Variants in ACTN4 observed in about 807,000 individuals in gnomAD.
The protein encoded by ACTN4 is alpha-actinin-4.
Under a neutral mutation model 114.2 loss-of-function variants are expected in ACTN4, and 18 were observed. The observed-to-expected ratio is 0.16, with a 90% confidence interval of 0.11 to 0.23. The LOEUF (loss-of-function observed/expected upper bound fraction) is 0.23, where lower values mean the gene tolerates loss of function less well. Among genes scored for constraint, ACTN4 ranks in the 10% least tolerant of loss-of-function variants. ACTN4 has a pLI of 1.00. For missense variants in ACTN4, 722 were observed against 1,262.9 expected (o/e 0.57, Z 6.49); for synonymous variants, 515 against 506.3 (o/e 1.02, Z -0.23).
chr19:38,712,568 C>T (rs1968692462), intron 8 of ACTN4, among the ~76,000 whole-genome samples: 1 of 152,074 alleles, frequency 6.6e-6, no homozygotes, highest in Non-Finnish European at 1.5e-5. Context: ...AGAAAGGCCT[C>T]TTCACCTCCT....
At position 38,730,430 on chromosome 19, in the gene ACTN4, CTTTTTTTTTTGAGTTTATTCTGATTG is replaced by C. The variant is rs1969492159; in HGVS notation, c.*999_*1024del. 1.1e-5 allele frequency: 2 copies of C among 175,320 alleles called. No homozygotes were observed. 10.9% of individuals were successfully genotyped at this position (175,320 alleles called of 1,614,324 possible). On this transcript the variant is annotated 3_prime_UTR_variant, in exon 21 of 21. Coordinates refer to ENST00000252699, the MANE Select transcript of ACTN4 (RefSeq NM_004924.6). ...TGGTTGATGGTTTTGCTCCCCCTAC[CTTTTTTTTTTGAGTTTATTCTGATTG>C]ATTTTTTTTCTTGGTTTCTGGATAA...
Position 38,701,807 on chromosome 19 carries a change from C to T in ACTN4, c.397+686C>T, listed in dbSNP as rs189955530. ...ATGGAGCCCCAGCAGCATGAGCTCGCAGTCCACTCATTAGTCAGAGTAAGA... is the reference window on the plus strand; with the variant it reads ...ATGGAGCCCCAGCAGCATGAGCTCGTAGTCCACTCATTAGTCAGAGTAAGA... On this transcript the variant is annotated intron_variant, in intron 3 of 20. Transcript: ENST00000252699. 1.3e-3 allele frequency among the ~76,000 whole-genome samples: 198 copies of T among 152,382 alleles called. 4 individuals carry two copies. In the South Asian group the frequency reaches 0.026, roughly 20 times the overall value.
chr19:38,653,417 A>C (rs1976626149), intron 1 of ACTN4, among the ~76,000 whole-genome samples: 1 of 152,082 alleles, frequency 6.6e-6, no homozygotes, highest in Non-Finnish European at 1.5e-5. Context: ...GTTCTTTAAA[A>C]AAAAAAAAAA....
chr19:38,655,096 A>G (rs1332594693), intron 1 of ACTN4, among the ~76,000 whole-genome samples: 4 of 152,114 alleles, frequency 2.6e-5, no homozygotes, highest in Non-Finnish European at 4.4e-5. Context: ...GTGATTTTCC[A>G]TAACCACTTT....
At chr19:38,698,686 G>A (rs1038842360) in intron 1 of ACTN4, among the ~76,000 whole-genome samples, 6 of 152,180 alleles carry the variant, frequency 3.9e-5, no homozygotes, top group African/African-American at 7.2e-5. Context: ...GGGGAACAGC[G>A]TTGTGCCACC....
In ACTN4 at chr19:38,728,993, C is replaced by T; in HGVS notation, c.2419-3C>T. On this transcript the variant is annotated splice_polypyrimidine_tract_variant and splice_region_variant and intron_variant, in intron 19 of 20. Coordinates refer to ENST00000252699, the MANE Select transcript of ACTN4 (RefSeq NM_004924.6). ...TGTCCCCCACCCCACCCTCTCCTTG[C>T]AGGGTGAGGCCGAGTTCAACCGCAT... 6.2e-7 allele frequency: 1 copy of T among 1,612,898 alleles called. No individual in the cohort carries two copies. The highest frequency in any genetic ancestry group is 1.1e-5 in the South Asian group (1 of 91,042).
intron 1 of ACTN4, among the ~76,000 whole-genome samples, chr19:38,657,146 AT>A (rs60937573): frequency 0.064 from 8,607 of 133,640 alleles, 246 homozygotes; most frequent in South Asian, 0.12. Context: ...GCTAATTTTA[AT>A]TTTTTTTTTT....
intron 4 of ACTN4, among the ~76,000 whole-genome samples, chr19:38,705,526 C>T (rs1357393614): frequency 6.6e-6 from 1 of 152,246 alleles, no homozygotes; most frequent in African/African-American, 2.4e-5. Flanking sequence ...TCCCAGGTGC[C>T]AGGTCGCAGT....
At chr19:38,680,955 G>A (rs938369381) in intron 1 of ACTN4, among the ~76,000 whole-genome samples, 10 of 151,646 alleles carry the variant, frequency 6.6e-5, no homozygotes, top group Non-Finnish European at 1.2e-4. Context: ...GTGAAACCCC[G>A]TCTCTACTAA....
At chr19:38,669,935 C>G (rs1353779467) in intron 1 of ACTN4, among the ~76,000 whole-genome samples, 1 of 152,166 alleles carries the variant, frequency 6.6e-6, no homozygotes, top group East Asian at 1.9e-4. Flanking sequence ...AATCTCAAGG[C>G]TCAGTCTTCA....
chr19:38,653,601 C>T (rs1976631197), intron 1 of ACTN4, among the ~76,000 whole-genome samples: 1 of 152,120 alleles, frequency 6.6e-6, no homozygotes, highest in Non-Finnish European at 1.5e-5. Context: ...GCAGTGTTTT[C>T]CCCGGCTTTA....
Position 38,731,045 on chromosome 19 carries a change from G to C in ACTN4, c.*1613G>C. 1 of 1,557,988 alleles carries C rather than the reference G, an allele frequency of 6.4e-7. No individual in the cohort carries two copies. The highest frequency in any genetic ancestry group is 8.7e-7 in the Non-Finnish European group (1 of 1,151,716). Reference sequence around the variant, plus strand: ...TGGCCTGTGCAGAGAGGGGCAGGGTGAGTGCCCACCAGTCCCCGTACCCCT... The same window carrying C: ...TGGCCTGTGCAGAGAGGGGCAGGGTCAGTGCCCACCAGTCCCCGTACCCCT... On this transcript the variant is annotated 3_prime_UTR_variant, in exon 21 of 21. Coordinates refer to ENST00000252699, the MANE Select transcript of ACTN4 (RefSeq NM_004924.6).
rs201878116 is a variant in ACTN4, at chr19:38,724,098, C to T, written c.1692+21C>T. 3 of 1,613,564 alleles carry T rather than the reference C, an allele frequency of 1.9e-6. No homozygotes were observed. Among genetic ancestry groups the T allele is most frequent in the South Asian group, 1.1e-5 (1 of 91,090 alleles). The stretch of plus-strand genomic sequence containing the variant: ...TTGAGGTTCGCACCCCCCGGCCCCC[C>T]ATCTTCCCAAGAGCCTCTGTGGGGC... On this transcript the variant is annotated intron_variant, in intron 14 of 20. Coordinates refer to ENST00000252699, the MANE Select transcript of ACTN4 (RefSeq NM_004924.6). The surrounding 1 kb of genome is among the most constrained non-coding windows in gnomAD (Gnocchi z 7.0).
At position 38,721,671 on chromosome 19, in the gene ACTN4, C is replaced by T. The variant is rs144388375; in HGVS notation, c.1425C>T (p.Ala475=). Residue 475 remains alanine (A), a synonymous_variant, in exon 12 of 21, where the codon GCC becomes GCT. Transcript: ENST00000252699. ...AHQDRVEQIA[A]IAQELNELDY... Reference sequence around the variant, plus strand: ...AGGACCGCGTGGAGCAGATCGCCGCCATTGCCCAGGAGCTCAAGTACGTGC... The same window carrying T: ...AGGACCGCGTGGAGCAGATCGCCGCTATTGCCCAGGAGCTCAAGTACGTGC... 3.0e-3 allele frequency: 4,921 copies of T among 1,613,662 alleles called. 16 individuals carry two copies. Among genetic ancestry groups the T allele is most frequent in the Non-Finnish European group, 3.7e-3 (4,340 of 1,180,048 alleles).
chr19:38,717,395 C>A lies in ACTN4; in HGVS notation c.1143+79C>A. ...AACTGCCTGTGGGCAGTTTGGCCAG[C>A]GTAATCTTTCCTAAGTTGTTGATGT... On this transcript the variant is annotated intron_variant, in intron 10 of 20. Coordinates refer to ENST00000252699, the MANE Select transcript of ACTN4 (RefSeq NM_004924.6). The surrounding 1 kb of genome is among the most constrained non-coding windows in gnomAD (Gnocchi z 4.0). 1.3e-6 allele frequency: 2 copies of A among 1,532,914 alleles called. No homozygotes were observed. Among genetic ancestry groups the A allele is most frequent in the Non-Finnish European group, 8.8e-7 (1 of 1,132,910 alleles). 95.0% of individuals were successfully genotyped at this position (1,532,914 alleles called of 1,614,324 possible). A position where few individuals can be genotyped will look rare whatever the true frequency, so the allele number is the denominator to read the frequency against.
At position 38,677,932 on chromosome 19, in the gene ACTN4, G is replaced by A. The variant is rs1967431325; in HGVS notation, c.163-22668G>A. On this transcript the variant is annotated intron_variant, in intron 1 of 20. Transcript: ENST00000252699. ...GGTAGAGACAATGTTTCACCATGTT[G>A]GCCAGGCTGGTCTCAAACTCCTGGC... is the stretch of plus-strand genomic sequence containing the variant. Among the ~76,000 whole-genome samples, 3 of 151,934 alleles carry A rather than the reference G, an allele frequency of 2.0e-5. No homozygotes were observed. The South Asian group carries it at 6.3e-4, about 32-fold the overall frequency.
At position 38,725,721 on chromosome 19, in the gene ACTN4, T is replaced by C; in HGVS notation, c.2011-3T>C. The C allele has an allele frequency of 1.9e-6, 3 of 1,613,428 alleles. No individual in the cohort carries two copies. Among genetic ancestry groups the C allele is most frequent in the Non-Finnish European group, 2.5e-6 (3 of 1,179,872 alleles). ...ACCCCACCGCCTGCACCCACCCCCG[T>C]AGGAGATCGGGCGCATCTCCATTGA... On this transcript the variant is annotated splice_region_variant and splice_polypyrimidine_tract_variant and intron_variant, in intron 16 of 20. Coordinates refer to ENST00000252699, the MANE Select transcript of ACTN4 (RefSeq NM_004924.6).
In ACTN4 at chr19:38,721,525, C is replaced by T; in HGVS notation, c.1292-13C>T. 1 of 1,613,688 alleles carries T rather than the reference C, an allele frequency of 6.2e-7. No individual in the cohort carries two copies. Among genetic ancestry groups the T allele is most frequent in the African/African-American group, 1.3e-5 (1 of 75,054 alleles). On this transcript the variant is annotated splice_polypyrimidine_tract_variant and intron_variant, in intron 11 of 20. Coordinates refer to ENST00000252699, the MANE Select transcript of ACTN4 (RefSeq NM_004924.6). The stretch of plus-strand genomic sequence containing the variant: ...GCCGTGCTGTGGTCTAAGCGTCTCT[C>T]TGCTCCTACCAGGGAAGGAAGCCAT...
chr19:38,674,994 C>T (rs1365677350), intron 1 of ACTN4, among the ~76,000 whole-genome samples: 1 of 152,176 alleles, frequency 6.6e-6, no homozygotes, highest in Non-Finnish European at 1.5e-5. Flanking sequence ...AATGACGTAT[C>T]TGGGGGAAGC....
Sources: allele counts gnomAD v4.1 joint callset (sites outside exome capture counted in the v4.1 genomes callset), GRCh38; gene constraint gnomAD v4.1.1; non-coding constraint Gnocchi (gnomAD v3.1); transcripts MANE v1.5; gene names NCBI Gene and HGNC (gene_info 2026-07-23, HGNC 2026-07-21).